TENM4: variants seen among roughly 807,000 people sequenced by gnomAD.
TENM4 encodes teneurin-4.
TENM4 carries 82 observed loss-of-function variants against 243.3 expected under a neutral mutation model. The observed-to-expected ratio is 0.34, with a 90% CI of 0.28 to 0.40. The LOEUF (loss-of-function observed/expected upper bound fraction) is 0.40. Among genes scored for constraint, TENM4 ranks in the 10% least tolerant of loss-of-function variants. TENM4 has a pLI of 1.00. For synonymous variants in TENM4, 1,412 were observed against 1,456.3 expected, an observed-to-expected ratio of 0.97 and a Z score of 0.69; for missense variants, 3,138 against 3,673.3, an observed-to-expected ratio of 0.85 and a Z score of 3.77.
chr11:78,743,607 C>T (rs895556674), intron 19 of TENM4, among the ~76,000 whole-genome samples: 4 of 152,126 alleles, frequency 2.6e-5, no homozygotes, highest in African/African-American at 4.8e-5. Context: ...GAGGCCAGCC[C>T]GCACTCTCCC....
Position 78,729,689 on chromosome 11 carries a change from C to T in TENM4, c.3139-46G>A, listed in dbSNP as rs541484636. 3,088 of 1,554,400 alleles carry T rather than the reference C, an allele frequency of 2.0e-3. 64 individuals carry two copies. The African/African-American group carries it at 0.039, about 20-fold the overall frequency. Reference sequence around the variant, plus strand: ...ACAGCAAGGGACGGTCGTCGACTCACCGAGTGGAGGGAAGATGGCGTGGCC... The same window carrying T: ...ACAGCAAGGGACGGTCGTCGACTCATCGAGTGGAGGGAAGATGGCGTGGCC... On this transcript the variant is annotated intron_variant, in intron 21 of 33. Transcript: ENST00000278550.
chr11:78,988,486 G>A (rs1218622422), intron 6 of TENM4, among the ~76,000 whole-genome samples: 1 of 152,156 alleles, frequency 6.6e-6, no homozygotes, highest in Admixed American at 6.5e-5. Flanking sequence ...TAATGCATAA[G>A]GCCTATTTGA....
intron 4 of TENM4, among the ~76,000 whole-genome samples, chr11:79,137,672 C>A (rs1239783179): frequency 6.6e-6 from 1 of 152,128 alleles, no homozygotes; most frequent in African/African-American, 2.4e-5. Context: ...TACGCTTGTA[C>A]TAAGAAAATA....
chr11:78,919,829 C>A (rs1856408917), intron 6 of TENM4, among the ~76,000 whole-genome samples: 1 of 152,048 alleles, frequency 6.6e-6, no homozygotes, highest in South Asian at 2.1e-4. Context: ...GTGCTATCAG[C>A]CTAGAGTGCC....
intron 3 of TENM4, among the ~76,000 whole-genome samples, chr11:79,197,687 C>G (rs2135182450): frequency 6.6e-6 from 1 of 152,270 alleles, no homozygotes; most frequent in East Asian, 1.9e-4. Flanking sequence ...AGTTATTTCT[C>G]CTCTGAAGCA....
chr11:78,804,427 T>G (rs1281446656), intron 15 of TENM4, among the ~76,000 whole-genome samples: 3 of 152,202 alleles, frequency 2.0e-5, no homozygotes, highest in African/African-American at 7.2e-5. Context: ...TGGTAAAACA[T>G]GGATAGCTGA....
intron 9 of TENM4, among the ~76,000 whole-genome samples, chr11:78,873,079 C>T (rs1859177744): frequency 6.6e-6 from 1 of 152,164 alleles, no homozygotes; most frequent in African/African-American, 2.4e-5. Context: ...TGTTTGATGT[C>T]CCTCCTTTAC....
intron 2 of TENM4, among the ~76,000 whole-genome samples, chr11:79,267,980 T>C (rs894374750): frequency 6.6e-6 from 1 of 152,152 alleles, no homozygotes; most frequent in African/African-American, 2.4e-5. Flanking sequence ...ATCAAGCGAG[T>C]GCTAGGAATC....
At chr11:78,994,258 A>G (rs1306149047) in intron 6 of TENM4, among the ~76,000 whole-genome samples, 1 of 152,164 alleles carries the variant, frequency 6.6e-6, no homozygotes, top group Non-Finnish European at 1.5e-5. Flanking sequence ...ATTTCCTGGC[A>G]GTTGTTTTTT....
At chr11:79,212,836 C>T (rs145818010) in intron 3 of TENM4, among the ~76,000 whole-genome samples, 2 of 152,302 alleles carry the variant, frequency 1.3e-5, no homozygotes, top group African/African-American at 2.4e-5. Context: ...ATCTCCCAGC[C>T]GTTAAGCAGG....
chr11:78,717,929 G>A (rs1332261717), intron 25 of TENM4, among the ~76,000 whole-genome samples: 1 of 152,212 alleles, frequency 6.6e-6, no homozygotes, highest in Non-Finnish European at 1.5e-5. Flanking sequence ...GGAGTCTGTA[G>A]AGGAAGATGC....
intron 3 of TENM4, among the ~76,000 whole-genome samples, chr11:79,179,074 A>G (rs930163854): frequency 2.6e-5 from 4 of 152,248 alleles, no homozygotes; most frequent in African/African-American, 4.8e-5. Context: ...TTGCCTATGC[A>G]TGGAAAATGT....
chr11:79,382,160 G>A (rs536393573), intron 1 of TENM4, among the ~76,000 whole-genome samples: 55 of 152,302 alleles, frequency 3.6e-4, no homozygotes, highest in African/African-American at 1.3e-3. Flanking sequence ...CAGCTCATTA[G>A]GGGGAGGGCC....
chr11:79,140,835 C>T (rs1862272692), intron 4 of TENM4, among the ~76,000 whole-genome samples: 4 of 152,136 alleles, frequency 2.6e-5, no homozygotes, highest in South Asian at 2.1e-4. Context: ...AGTGCAGTGG[C>T]GTTTCTGCTG....
intron 15 of TENM4, among the ~76,000 whole-genome samples, chr11:78,797,306 A>G (rs143516529): frequency 8.1e-4 from 123 of 152,338 alleles, no homozygotes; most frequent in Non-Finnish European, 1.6e-3. Context: ...TACATGAAGG[A>G]GCTCTGTAAA....
chr11:79,078,304 T>G (rs949158309), intron 4 of TENM4, among the ~76,000 whole-genome samples: 7 of 152,164 alleles, frequency 4.6e-5, no homozygotes, highest in African/African-American at 1.7e-4. Context: ...GGCCCATAAA[T>G]ATTTCAGAGC....
intron 4 of TENM4, among the ~76,000 whole-genome samples, chr11:79,128,060 C>A (rs947044201): frequency 6.6e-6 from 1 of 152,178 alleles, no homozygotes; most frequent in Non-Finnish European, 1.5e-5. Context: ...GGGTCTGCAA[C>A]AGGTCCAGGC....
chr11:79,375,376 G>C (rs1184342812), intron 1 of TENM4, among the ~76,000 whole-genome samples: 2 of 152,174 alleles, frequency 1.3e-5, no homozygotes, highest in African/African-American at 4.8e-5. Context: ...CCAATATTTT[G>C]ATAGATTTTC....
At chr11:78,861,146 T>C (rs574156614) in intron 10 of TENM4, among the ~76,000 whole-genome samples, 2 of 152,370 alleles carry the variant, frequency 1.3e-5, no homozygotes, top group South Asian at 2.1e-4. Flanking sequence ...TATTAACCCA[T>C]GGCATCTGAC....
Sources: gnomAD v4.1 joint callset for allele counts (sites outside exome capture counted in the v4.1 genomes callset) on GRCh38, gnomAD v4.1.1 for gene constraint, MANE v1.5 for transcripts, NCBI Gene and HGNC (gene_info 2026-07-23, HGNC 2026-07-21) for gene names.